The following ZC3H14 variants were observed in gnomAD, a reference collection of about 807,000 sequenced individuals.
ZC3H14 encodes zinc finger CCCH-type containing 14.
Under a neutral mutation model 92.4 loss-of-function variants are expected in ZC3H14, and 31 were observed. The ratio of observed to expected loss-of-function variants is 0.34; its 90% CI spans 0.25 to 0.45. The LOEUF (loss-of-function observed/expected upper bound fraction) is 0.45. Ranked by LOEUF, ZC3H14 falls within the 20% of genes least tolerant of loss-of-function variation. The pLI, the probability that ZC3H14 is intolerant of heterozygous loss-of-function variation, is 1.00. For synonymous variants in ZC3H14, 321 were observed against 300.9 expected (o/e 1.07, Z -0.69); for missense variants, 781 against 897.3 (o/e 0.87, Z 1.66).
chr14:88,615,952 A>T lies in ZC3H14; in HGVS notation c.*4201A>T. Reference sequence around the variant, plus strand: ...GTTGTGCTTTCAGGTTACATGTGTAATATTTTTCCTCTTTAACTCCTTTTA... The same window carrying T: ...GTTGTGCTTTCAGGTTACATGTGTATTATTTTTCCTCTTTAACTCCTTTTA... On this transcript the variant is annotated 3_prime_UTR_variant, in exon 17 of 17. Coordinates refer to ENST00000251038, the MANE Select transcript of ZC3H14 (RefSeq NM_024824.5). 2.8e-6 allele frequency: 4 copies of T among 1,411,898 alleles called. No homozygotes were observed. The highest frequency in any genetic ancestry group is 1.3e-5 in the South Asian group (1 of 77,174). 87.5% of individuals were successfully genotyped at this position (1,411,898 alleles called of 1,614,324 possible). A position where few individuals can be genotyped will look rare whatever the true frequency, so the allele number is the denominator to read the frequency against.
chr14:88,563,536 C>T (rs1340254659), intron 1 of ZC3H14, 115 bp from the exon 2 acceptor site: 2 of 1,582,638 alleles, frequency 1.3e-6, no homozygotes, highest in Admixed American at 1.7e-5. Context: ...TCCCAGCCCC[C>T]GCCCGGGGGA....
chr14:88,623,017 CT>C lies in ZC3H14; in HGVS notation c.*11282del, dbSNP rs33958046. 1,525 of 150,460 alleles carry C rather than the reference CT, an allele frequency of 0.01. 3 individuals are homozygous for C. Among genetic ancestry groups the C allele is most frequent in the Middle Eastern group, 0.012 (4 of 324 alleles). 9.3% of individuals were successfully genotyped at this position (150,460 alleles called of 1,614,324 possible). A position where few individuals can be genotyped will look rare whatever the true frequency, so the allele number is the denominator to read the frequency against. The stretch of plus-strand genomic sequence containing the variant: ...CAATACATTATCCTCTCTCATAATA[CT>C]TTTTTTTTTTTTTTTAAGATGTAGT... On this transcript the variant is annotated 3_prime_UTR_variant, in exon 17 of 17. Coordinates refer to ENST00000251038, the MANE Select transcript of ZC3H14 (RefSeq NM_024824.5).
At chr14:88,609,862 A>C (rs1566986875) in intron 15 of ZC3H14, 59 bp downstream of exon 15, 5 of 1,564,248 alleles carry the variant, frequency 3.2e-6, no homozygotes, top group Non-Finnish European at 4.4e-6. Context: ...TCCTCATTTA[A>C]CTTCTTTTTT....
chr14:88,591,539 A>T (rs922225257), intron 9 of ZC3H14: 1 of 152,198 alleles, frequency 6.6e-6, no homozygotes, highest in African/African-American at 2.4e-5. Flanking sequence ...AGAAGGAGAG[A>T]TTATAATTGT....
intron 12 of ZC3H14, among the ~76,000 whole-genome samples, chr14:88,604,240 A>G (rs2085027074): frequency 6.6e-6 from 1 of 152,278 alleles, no homozygotes; most frequent in South Asian, 2.1e-4. Context: ...ACCATAAATA[A>G]TATGTTAGTA....
chr14:88,571,383 A>G (rs2080366708), intron 4 of ZC3H14, among the ~76,000 whole-genome samples: 1 of 152,158 alleles, frequency 6.6e-6, no homozygotes, highest in African/African-American at 2.4e-5. Context: ...AGCCTCAAGG[A>G]TATTTCAGTA....
At chr14:88,608,871 G>A (rs1400991763) in intron 13 of ZC3H14, 6 of 177,576 alleles carry the variant, frequency 3.4e-5, no homozygotes, top group Non-Finnish European at 5.9e-5. Flanking sequence ...AGGAAATGAT[G>A]TGGGAATAAT....
intron 9 of ZC3H14, chr14:88,591,204 C>T (rs990680445): frequency 1.3e-5 from 2 of 152,210 alleles, no homozygotes; most frequent in African/African-American, 4.8e-5. Flanking sequence ...ATTTGAGAGG[C>T]TGAGACGGGC....
intron 9 of ZC3H14, among the ~76,000 whole-genome samples, chr14:88,588,860 C>T (rs1202106854): frequency 6.6e-6 from 1 of 152,170 alleles, no homozygotes. Flanking sequence ...TCTTTAGTCT[C>T]CTTACTGAAC....
In ZC3H14 at chr14:88,574,734, A is replaced by G. The variant is rs150778260; in HGVS notation, c.903A>G (p.Ser301=). 6 of 1,614,144 alleles carry G rather than the reference A, an allele frequency of 3.7e-6. No homozygotes were observed. In the African/African-American group the frequency reaches 4.0e-5, roughly 11 times the overall value. The change falls in exon 7 of 17, where the codon TCA becomes TCG. Residue 301 remains serine (S), a synonymous_variant. Coordinates refer to ENST00000251038, the MANE Select transcript of ZC3H14 (RefSeq NM_024824.5). ...AGAGAAAGTTGCCTGTGGTAAGTTCAGTTGTTAAAGTAAAAAAATTCAATC... is the reference window on the plus strand; with the variant it reads ...AGAGAAAGTTGCCTGTGGTAAGTTCGGTTGTTAAAGTAAAAAAATTCAATC... ...FRKRKLPVVS[S]VVKVKKFNHD...
Position 88,571,071 on chromosome 14 carries a change from T to A in ZC3H14, c.195-13T>A, listed in dbSNP as rs767029162. 9 of 1,532,748 alleles carry A rather than the reference T, an allele frequency of 5.9e-6. No individual in the cohort carries two copies. In the African/African-American group the frequency reaches 1.1e-4, roughly 19 times the overall value. The allele number at this position is 1,532,748 out of a possible 1,614,324, so 94.9% of individuals were successfully genotyped here. ...ACAGAAGGTTTATTTTTGTTTTTTG[T>A]TTTTTTCCTCAGGCTTCATGGTGTA... is the stretch of plus-strand genomic sequence containing the variant. On this transcript the variant is annotated splice_polypyrimidine_tract_variant and intron_variant, in intron 3 of 16. Coordinates refer to ENST00000251038, the MANE Select transcript of ZC3H14 (RefSeq NM_024824.5).
At chr14:88,576,011 G>GCTCCTTAAA (rs2139657178) in intron 8 of ZC3H14, 71 bp downstream of exon 8, 1 of 1,325,540 alleles carries the variant, frequency 7.5e-7, no homozygotes, top group Admixed American at 1.7e-5. Context: ...GAAAATGATT[G>GCTCCTTAAA]CTCCTTAAAT....
Position 88,625,351 on chromosome 14 carries a change from AC to A in ZC3H14, c.*13602del, listed in dbSNP as rs1176145511. On this transcript the variant is annotated 3_prime_UTR_variant, in exon 17 of 17. Coordinates refer to ENST00000251038, the MANE Select transcript of ZC3H14 (RefSeq NM_024824.5). Reference sequence around the variant, plus strand: ...AGTCTGTTGCTTATTAGCTAGAATAACCTTAGACAATTCTTCCCTTCCAATT... The same window carrying A: ...AGTCTGTTGCTTATTAGCTAGAATAACTTAGACAATTCTTCCCTTCCAATT... The A allele has an allele frequency of 4.1e-6, 2 of 482,064 alleles. No homozygotes were observed. The highest frequency in any genetic ancestry group is 7.3e-6 in the Non-Finnish European group (2 of 274,422). 29.9% of individuals were successfully genotyped at this position (482,064 alleles called of 1,614,324 possible).
intron 9 of ZC3H14, chr14:88,595,030 G>A: frequency 1.2e-6 from 2 of 1,613,592 alleles, no homozygotes; most frequent in Non-Finnish European, 1.7e-6. Context: ...CAGACAGTTT[G>A]AAGATCAAGA....
intron 15 of ZC3H14, among the ~76,000 whole-genome samples, chr14:88,610,463 A>C (rs1216592412): frequency 2.6e-5 from 4 of 152,028 alleles, no homozygotes; most frequent in Non-Finnish European, 5.9e-5. Flanking sequence ...TATAGATGGA[A>C]TCTCTTACTC....
intron 9 of ZC3H14, among the ~76,000 whole-genome samples, 188 bp downstream of exon 9, chr14:88,578,328 G>A (rs2081427877): frequency 6.6e-6 from 1 of 152,120 alleles, no homozygotes; most frequent in Non-Finnish European, 1.5e-5. Flanking sequence ...TTTTTAAAGA[G>A]GTAGGGTCTT....
At chr14:88,574,576 A>T in intron 6 of ZC3H14, 117 bp from the exon 7 acceptor site, 2 of 1,277,800 alleles carry the variant, frequency 1.6e-6, no homozygotes, top group Non-Finnish European at 2.2e-6. Flanking sequence ...ACCAAGAAAT[A>T]CTCTGTGAAT....
In ZC3H14 at chr14:88,618,935, C is replaced by G; in HGVS notation, c.*7184C>G. 1 of 883,456 alleles carries G rather than the reference C, an allele frequency of 1.1e-6. No individual in the cohort carries two copies. Among genetic ancestry groups the G allele is most frequent in the Non-Finnish European group, 1.7e-6 (1 of 601,626 alleles). 54.7% of individuals were successfully genotyped at this position (883,456 alleles called of 1,614,324 possible). ...GTGATAAGGCCTCAAATAGATTTACCTGTCAGACACAACTGATCATGTATA... is the reference window on the plus strand; with the variant it reads ...GTGATAAGGCCTCAAATAGATTTACGTGTCAGACACAACTGATCATGTATA... On this transcript the variant is annotated 3_prime_UTR_variant, in exon 17 of 17. Coordinates refer to ENST00000251038, the MANE Select transcript of ZC3H14 (RefSeq NM_024824.5).
chr14:88,607,495 A>C, intron 13 of ZC3H14, 132 bp downstream of exon 13: 1 of 969,400 alleles, frequency 1.0e-6, no homozygotes, highest in Non-Finnish European at 1.6e-6. Context: ...CCCACATCTC[A>C]ACCCTCAAGT....
Sources: gnomAD v4.1 joint callset for allele counts (sites outside exome capture counted in the v4.1 genomes callset) on GRCh38, gnomAD v4.1.1 for gene constraint, MANE v1.5 for transcripts, NCBI Gene and HGNC (gene_info 2026-07-23, HGNC 2026-07-21) for gene names.